The following CERKL variants were observed in gnomAD, a reference collection of about 807,000 sequenced individuals.
CERKL encodes ceramide kinase-like protein.
A neutral mutation model predicts 63.4 loss-of-function variants in CERKL; 61 were observed. The ratio of observed to expected loss-of-function variants is 0.96; its 90% CI spans 0.78 to 1.19. CERKL has a LOEUF of 1.19. Among genes scored for constraint, CERKL ranks in the 50% most tolerant of loss-of-function variants. The probability of loss-of-function intolerance (pLI) is 0.00; values close to 1 mark genes in which losing one functional copy is unlikely to be tolerated. For missense variants in CERKL, 675 were observed against 655.5 expected (o/e 1.03, Z -0.33); for synonymous variants, 250 against 230.5 (o/e 1.08, Z -0.77).
rs761885650 is a variant in CERKL at position 181,566,132 on chromosome 2, A to AC, written c.614-12_614-11insG. The AC allele has an allele frequency of 3.7e-6, 6 of 1,604,750 alleles. No homozygotes were observed. In the Admixed American group the frequency reaches 6.7e-5, roughly 18 times the overall value. On this transcript the variant is annotated splice_polypyrimidine_tract_variant and intron_variant, in intron 3 of 12. Coordinates refer to ENST00000410087, the MANE Select transcript of CERKL (RefSeq NM_201548.5). ...CTTCATATTCCATTACTATTAAAAAAACACACACACATACACAAAGTGACA... is the reference window on the plus strand; with the variant it reads ...CTTCATATTCCATTACTATTAAAAAACACACACACACATACACAAAGTGACA...
chr2:181,559,593 G>A lies in CERKL; in HGVS notation c.678-885C>T, dbSNP rs1212669308. On this transcript the variant is annotated intron_variant, in intron 4 of 12. Coordinates refer to ENST00000410087, the MANE Select transcript of CERKL (RefSeq NM_201548.5). ...ACTCACATCACGTGTGAGGCCTAAT[G>A]GACCCAGATCTGGTTTTTCTACAGA... 3.3e-5 allele frequency among the ~76,000 whole-genome samples: 5 copies of A among 152,124 alleles called. No homozygotes were observed. In the South Asian group the frequency reaches 6.2e-4, roughly 19 times the overall value.
intron 4 of CERKL, among the ~76,000 whole-genome samples, chr2:181,562,356 G>A (rs1688485561): frequency 6.6e-6 from 1 of 152,100 alleles, no homozygotes; most frequent in Non-Finnish European, 1.5e-5. Flanking sequence ...ATAAAACCAA[G>A]TTGTAACCCA....
intron 1 of CERKL, among the ~76,000 whole-genome samples, chr2:181,623,722 T>A (rs1404358182): frequency 6.6e-6 from 1 of 152,164 alleles, no homozygotes; most frequent in Non-Finnish European, 1.5e-5. Flanking sequence ...CATCTGCAAT[T>A]CTGAAATCCC....
intron 2 of CERKL, among the ~76,000 whole-genome samples, chr2:181,575,934 TC>T (rs1689116935): frequency 6.6e-6 from 1 of 152,202 alleles, no homozygotes; most frequent in Non-Finnish European, 1.5e-5. Context: ...AGTTCACCTC[TC>T]TGAAGTTTGT....
intron 5 of CERKL, among the ~76,000 whole-genome samples, chr2:181,556,678 A>G (rs1294146186): frequency 6.6e-6 from 1 of 152,180 alleles, no homozygotes; most frequent in African/African-American, 2.4e-5. Context: ...AGTCTTTGCT[A>G]TTGTGAGTAG....
chr2:181,620,265 T>G (rs1245428912), intron 1 of CERKL, among the ~76,000 whole-genome samples: 3 of 152,148 alleles, frequency 2.0e-5, no homozygotes, highest in Non-Finnish European at 4.4e-5. Flanking sequence ...ACTCTTTTTT[T>G]CCTGAGGACC....
intron 11 of CERKL, among the ~76,000 whole-genome samples, chr2:181,539,593 T>C (rs1417281714): frequency 6.6e-6 from 1 of 152,218 alleles, no homozygotes; most frequent in Non-Finnish European, 1.5e-5. Context: ...AGAAGACATA[T>C]AATCCATTAT....
chr2:181,613,809 A>T (rs1686075141), intron 1 of CERKL, among the ~76,000 whole-genome samples: 1 of 152,192 alleles, frequency 6.6e-6, no homozygotes, highest in South Asian at 2.1e-4. Context: ...GGCAATATTA[A>T]CCATTTATGC....
chr2:181,543,683 T>G (rs1020194045), intron 11 of CERKL, among the ~76,000 whole-genome samples: 2 of 152,256 alleles, frequency 1.3e-5, no homozygotes, highest in East Asian at 3.9e-4. Flanking sequence ...AGCACCATTT[T>G]ATACCTTTAA....
chr2:181,619,817 T>A (rs1686370479), intron 1 of CERKL, among the ~76,000 whole-genome samples: 1 of 152,166 alleles, frequency 6.6e-6, no homozygotes, highest in Non-Finnish European at 1.5e-5. Context: ...ATATCAGAAG[T>A]TATTAACTTA....
intron 12 of CERKL, among the ~76,000 whole-genome samples, 196 bp downstream of exon 12, chr2:181,538,896 A>C (rs928954386): frequency 6.6e-6 from 1 of 152,222 alleles, no homozygotes; most frequent in African/African-American, 2.4e-5. Flanking sequence ...CCTTGGGTCT[A>C]CATAACAGTT....
intron 1 of CERKL, among the ~76,000 whole-genome samples, chr2:181,638,390 G>A (rs980585470): frequency 1.3e-5 from 2 of 152,152 alleles, no homozygotes; most frequent in African/African-American, 4.8e-5. Flanking sequence ...AAGCAGGGAA[G>A]CTATCAGACA....
At chr2:181,607,589 C>T (rs1397901750) in intron 1 of CERKL, among the ~76,000 whole-genome samples, 2 of 152,212 alleles carry the variant, frequency 1.3e-5, no homozygotes, top group Admixed American at 6.5e-5. Context: ...CAAACTCAGT[C>T]ACAGCAAATC....
chr2:181,577,235 A>G (rs1684277200), intron 2 of CERKL, among the ~76,000 whole-genome samples: 1 of 152,226 alleles, frequency 6.6e-6, no homozygotes, highest in Admixed American at 6.5e-5. Flanking sequence ...GTAATGTCAG[A>G]GAGAGTGAGA....
At chr2:181,624,210 G>A (rs374086248) in intron 1 of CERKL, among the ~76,000 whole-genome samples, 1 of 152,004 alleles carries the variant, frequency 6.6e-6, no homozygotes, top group African/African-American at 2.4e-5. Context: ...GCAGAAGAAC[G>A]ATGTGCTCTA....
In CERKL at chr2:181,638,986, GA is replaced by G. The variant is rs139349082; in HGVS notation, c.238+17782del. On this transcript the variant is annotated intron_variant, in intron 1 of 12. Coordinates refer to ENST00000410087, the MANE Select transcript of CERKL (RefSeq NM_201548.5). The stretch of plus-strand genomic sequence containing the variant: ...GTTTGTTCAAAACATAAATTGAAAG[GA>G]AAAAAAAGGAAGAAGAATCTGTGGA... Among the ~76,000 whole-genome samples the G allele has an allele frequency of 6.8e-3, 1,027 of 151,302 alleles. 12 individuals are homozygous for G. Among genetic ancestry groups the G allele is most frequent in the African/African-American group, 0.023 (960 of 41,310 alleles).
intron 1 of CERKL, among the ~76,000 whole-genome samples, chr2:181,607,589 C>G (rs1397901750): frequency 6.6e-6 from 1 of 152,212 alleles, no homozygotes; most frequent in African/African-American, 2.4e-5. Flanking sequence ...CAAACTCAGT[C>G]ACAGCAAATC....
Position 181,617,851 on chromosome 2 carries a change from T to C in CERKL, c.239-13772A>G, listed in dbSNP as rs1207599890. 2.0e-5 allele frequency among the ~76,000 whole-genome samples: 3 copies of C among 152,312 alleles called. No homozygotes were observed. The East Asian group carries it at 5.8e-4, about 29-fold the overall frequency. ...GTTTTGCTATAGTATCAAAGGACAA[T>C]ATCCACAATTATCTGAACATATTAA... On this transcript the variant is annotated intron_variant, in intron 1 of 12. Coordinates refer to ENST00000410087, the MANE Select transcript of CERKL (RefSeq NM_201548.5).
At chr2:181,629,434 G>A (rs1271027216) in intron 1 of CERKL, among the ~76,000 whole-genome samples, 7 of 152,124 alleles carry the variant, frequency 4.6e-5, no homozygotes, top group African/African-American at 1.7e-4. Context: ...TCAATGTTCT[G>A]CATGGCCTTT....
Sources: gnomAD v4.1 joint callset for allele counts (sites outside exome capture counted in the v4.1 genomes callset) on GRCh38, gnomAD v4.1.1 for gene constraint, MANE v1.5 for transcripts, NCBI Gene and HGNC (gene_info 2026-07-23, HGNC 2026-07-21) for gene names.